The following TMEM170A variants were observed in gnomAD, a reference collection of about 807,000 sequenced individuals.
TMEM170A encodes the protein transmembrane protein 170A.
Under a neutral mutation model 12.8 loss-of-function variants are expected in TMEM170A, and 18 were observed. The ratio of observed to expected loss-of-function variants is 1.41; its 90% CI spans 0.97 to 2.09. The LOEUF (loss-of-function observed/expected upper bound fraction) is 2.09, where lower values mean the gene tolerates loss of function less well. Among genes scored for constraint, TMEM170A ranks in the 30% most tolerant of loss-of-function variants. The pLI, the probability that TMEM170A is intolerant of heterozygous loss-of-function variation, is 0.00. For synonymous variants in TMEM170A, 107 were observed against 76.2 expected, an observed-to-expected ratio of 1.40 and a Z score of -2.11; for missense variants, 220 against 179.9, an observed-to-expected ratio of 1.22 and a Z score of -1.28.
At chr16:75,455,251 G>A (rs903360808) in intron 1 of TMEM170A, among the ~76,000 whole-genome samples, 6 of 152,032 alleles carry the variant, frequency 3.9e-5, no homozygotes, top group African/African-American at 1.4e-4. Context: ...CAGCTACTTG[G>A]GAGGCTGAGG....
intron 1 of TMEM170A, among the ~76,000 whole-genome samples, chr16:75,462,860 T>C (rs56305315): frequency 0.075 from 11,459 of 152,242 alleles, 510 homozygotes; most frequent in Non-Finnish European, 0.1. Context: ...TATTCTATGA[T>C]GTTCAGTTTC....
In TMEM170A at chr16:75,462,507, C is replaced by CTGACATTCAG; in HGVS notation, c.133+1951_133+1960dup. 2.0e-5 allele frequency among the ~76,000 whole-genome samples: 3 copies of CTGACATTCAG among 152,352 alleles called. No individual in the cohort carries two copies. In the Middle Eastern group the frequency reaches 0.01, roughly 518 times the overall value. The stretch of plus-strand genomic sequence containing the variant: ...TACAGGTGTGAGCCACTGAGCCAGG[C>CTGACATTCAG]TGACATTCAGTGTCTCTTGATGTGA... On this transcript the variant is annotated intron_variant, in intron 1 of 2. Transcript: ENST00000561878.
intron 2 of TMEM170A, among the ~76,000 whole-genome samples, chr16:75,450,464 C>G (rs1241367831): frequency 6.6e-6 from 1 of 151,972 alleles, no homozygotes; most frequent in Non-Finnish European, 1.5e-5. Flanking sequence ...TATGCATGAG[C>G]TTTGAAATGA....
Position 75,445,680 on chromosome 16 carries a change from T to A in TMEM170A, c.*1878A>T, listed in dbSNP as rs1008266169. ...TTTTCTATGAGTTTCCCTGGCAAAT[T>A]GGTCCTCCTGACTTTTTTCTTTTTT... is the stretch of plus-strand genomic sequence containing the variant. On this transcript the variant is annotated 3_prime_UTR_variant, in exon 3 of 3. Coordinates refer to ENST00000561878, the MANE Select transcript of TMEM170A (RefSeq NM_145254.3). 7 of 151,936 alleles carry A rather than the reference T, an allele frequency of 4.6e-5. No homozygotes were observed. The highest frequency in any genetic ancestry group is 1.7e-4 in the African/African-American group (7 of 41,420). The allele number at this position is 151,936 out of a possible 1,614,324, so 9.4% of individuals were successfully genotyped here. A position where few individuals can be genotyped will look rare whatever the true frequency, so the allele number is the denominator to read the frequency against.
chr16:75,456,923 T>A (rs1258451904), intron 1 of TMEM170A, among the ~76,000 whole-genome samples: 1 of 152,128 alleles, frequency 6.6e-6, no homozygotes, highest in Non-Finnish European at 1.5e-5. Flanking sequence ...AGAAAGACCA[T>A]CTTCTATCCC....
intron 1 of TMEM170A, among the ~76,000 whole-genome samples, 156 bp from the exon 2 acceptor site, chr16:75,451,995 G>A (rs776639610): frequency 8.6e-5 from 13 of 151,076 alleles, no homozygotes; most frequent in Non-Finnish European, 1.2e-4. Flanking sequence ...TTTTTGAGAC[G>A]GAGTCTCGCT....
chr16:75,443,968 A>T lies in TMEM170A; in HGVS notation c.*3590T>A, dbSNP rs1457403412. 1 of 151,948 alleles carries T rather than the reference A, an allele frequency of 6.6e-6. No homozygotes were observed. The highest frequency in any genetic ancestry group is 2.4e-5 in the African/African-American group (1 of 41,348). 9.4% of individuals were successfully genotyped at this position (151,948 alleles called of 1,614,324 possible). A position where few individuals can be genotyped will look rare whatever the true frequency, so the allele number is the denominator to read the frequency against. On this transcript the variant is annotated 3_prime_UTR_variant, in exon 3 of 3. Transcript: ENST00000561878. ...GCTGGGCCTTGTGGCGGGTGCCAGT[A>T]ATCCTAGCTACTCAGCGGCCAAGGC...
chr16:75,451,580 A>C, intron 2 of TMEM170A, 89 bp downstream of exon 2: 1 of 1,416,128 alleles, frequency 7.1e-7, no homozygotes. Context: ...TCTTTCCTTC[A>C]TCCTACTCAG....
chr16:75,447,549 G>C lies in TMEM170A; in HGVS notation c.*9C>G. On this transcript the variant is annotated 3_prime_UTR_variant, in exon 3 of 3. Coordinates refer to ENST00000561878, the MANE Select transcript of TMEM170A (RefSeq NM_145254.3). ...GTTTAAGTTCAACATCTCAGCATAA[G>C]GATGTATGCTATAGAGTAGCTAAAA... 6.2e-7 allele frequency: 1 copy of C among 1,602,320 alleles called. No individual in the cohort carries two copies. Among genetic ancestry groups the C allele is most frequent in the Non-Finnish European group, 8.5e-7 (1 of 1,176,432 alleles).
chr16:75,451,967 TTTA>T (rs2079696199), intron 1 of TMEM170A, 128 bp from the exon 2 acceptor site: 1 of 881,716 alleles, frequency 1.1e-6, no homozygotes, highest in Middle Eastern at 3.6e-4. Context: ...TTGAAAAATT[TTTA>T]TTATTTTTAA....
At chr16:75,451,643 G>A in intron 2 of TMEM170A, 26 bp downstream of exon 2, 3 of 1,612,428 alleles carry the variant, frequency 1.9e-6, no homozygotes, top group Non-Finnish European at 1.7e-6. Flanking sequence ...AAACATTTTT[G>A]ACTGGTATTT....
chr16:75,455,845 T>C (rs1395197805), intron 1 of TMEM170A, among the ~76,000 whole-genome samples: 1 of 152,194 alleles, frequency 6.6e-6, no homozygotes, highest in African/African-American at 2.4e-5. Flanking sequence ...AGAATGAGCT[T>C]ATTGGGATAA....
intron 1 of TMEM170A, among the ~76,000 whole-genome samples, chr16:75,456,567 T>C (rs1325082615): frequency 3.9e-5 from 6 of 152,326 alleles, no homozygotes; most frequent in African/African-American, 1.4e-4. Flanking sequence ...TCCTCAGGGT[T>C]TCAGCCCCCA....
At position 75,451,462 on chromosome 16, in the gene TMEM170A, T is replaced by C. The variant is rs183982616; in HGVS notation, c.304+207A>G. ...TTCTTGGGAGGCTGATGGAGGAGGATTACTTGAGCCCAAGAGGTGGAGGCT... is the reference window on the plus strand; with the variant it reads ...TTCTTGGGAGGCTGATGGAGGAGGACTACTTGAGCCCAAGAGGTGGAGGCT... On this transcript the variant is annotated intron_variant, in intron 2 of 2. Coordinates refer to ENST00000561878, the MANE Select transcript of TMEM170A (RefSeq NM_145254.3). 2.7e-4 allele frequency: 165 copies of C among 612,668 alleles called. No individual in the cohort carries two copies. In the African/African-American group the frequency reaches 2.8e-3, roughly 11 times the overall value. The allele number at this position is 612,668 out of a possible 1,614,324, so 38.0% of individuals were successfully genotyped here.
chr16:75,456,215 G>A (rs892694796), intron 1 of TMEM170A, among the ~76,000 whole-genome samples: 1 of 151,818 alleles, frequency 6.6e-6, no homozygotes, highest in African/African-American at 2.4e-5. Context: ...TCCAGTGAGA[G>A]TGCTCAGGTC....
intron 2 of TMEM170A, among the ~76,000 whole-genome samples, chr16:75,449,249 C>T (rs767163053): frequency 1.3e-5 from 2 of 151,954 alleles, no homozygotes; most frequent in Non-Finnish European, 2.9e-5. Flanking sequence ...TCTCAAGGTA[C>T]TTGGAATCTA....
At chr16:75,454,384 C>T (rs895274762) in intron 1 of TMEM170A, among the ~76,000 whole-genome samples, 3 of 151,956 alleles carry the variant, frequency 2.0e-5, no homozygotes, top group East Asian at 1.9e-4. Context: ...TTTGGGAGGT[C>T]GAGGTGGGCT....
chr16:75,453,995 G>C (rs1245496227), intron 1 of TMEM170A, among the ~76,000 whole-genome samples: 1 of 152,206 alleles, frequency 6.6e-6, no homozygotes, highest in African/African-American at 2.4e-5. Flanking sequence ...CCACAGGGAG[G>C]GACTGGCGGT....
chr16:75,463,937 G>A (rs990782608), intron 1 of TMEM170A, among the ~76,000 whole-genome samples: 3 of 152,254 alleles, frequency 2.0e-5, no homozygotes, highest in African/African-American at 7.2e-5. Context: ...AAAGCGGAGC[G>A]GGTCTCGGAG....
Sources: gnomAD v4.1 joint callset for allele counts (sites outside exome capture counted in the v4.1 genomes callset) on GRCh38, gnomAD v4.1.1 for gene constraint, MANE v1.5 for transcripts, NCBI Gene and HGNC (gene_info 2026-07-23, HGNC 2026-07-21) for gene names.